MBTPS1: variants seen among roughly 807,000 people sequenced by gnomAD.
The protein encoded by MBTPS1 is membrane-bound transcription factor site-1 protease.
A neutral mutation model predicts 127.8 loss-of-function variants in MBTPS1; 94 were observed. The observed-to-expected ratio is 0.74, with a 90% CI of 0.62 to 0.87. The LOEUF is 0.87. Among genes scored for constraint, MBTPS1 ranks in the 40% least tolerant of loss-of-function variants. The probability of loss-of-function intolerance (pLI) is 0.00; values close to 1 mark genes in which losing one functional copy is unlikely to be tolerated. For synonymous variants in MBTPS1, 632 were observed against 509.4 expected (o/e 1.24, Z -3.24); for missense variants, 1,636 against 1,353.2 (o/e 1.21, Z -3.28).
Position 84,054,511 on chromosome 16 carries a change from G to C in MBTPS1, c.3097C>G (p.Pro1033Ala). Reference protein sequence around the residue: ...KAKSRPKRRKPRVKRPQLMQQ... With the variant: ...KAKSRPKRRKARVKRPQLMQQ... ...ATGAGCTGCGGGCGCTTCACCCTGG[G>C]CTTCCTCCGCTTCGGCCTGCTCTTG... is the stretch of plus-strand genomic sequence containing the variant. Residue 1033 changes from proline (P) to alanine (A), a missense_variant, in exon 23 of 23, where the codon CCC becomes GCC. By Grantham distance (27) the Pro-to-Ala change is conservative. Coordinates refer to ENST00000343411, the MANE Select transcript of MBTPS1 (RefSeq NM_003791.4). 6.2e-7 allele frequency: 1 copy of C among 1,613,744 alleles called. No homozygotes were observed. Among genetic ancestry groups the C allele is most frequent in the Non-Finnish European group, 8.5e-7 (1 of 1,179,818 alleles).
rs570692686 is a variant in MBTPS1 at position 84,085,063 on chromosome 16, G to A, written c.1206C>T (p.Gly402=). The A allele has an allele frequency of 1.7e-5, 27 of 1,614,066 alleles. No homozygotes were observed. Among genetic ancestry groups the A allele is most frequent in the African/African-American group, 1.5e-4 (11 of 74,994 alleles). Residue 402 remains glycine, a synonymous_variant, in exon 10 of 23, where the codon GGC becomes GGT. Transcript: ENST00000343411. ...VTYGAGVRGS[G]VKGGCRALSG... ...AGAGGGCCCGGCACCCCCCTTTCAC[G>A]CCAGAACCCCGCACGCCAGCACCAT...
intron 3 of MBTPS1, among the ~76,000 whole-genome samples, chr16:84,098,287 AC>A (rs2086205817): frequency 6.6e-6 from 1 of 152,188 alleles, no homozygotes; most frequent in Admixed American, 6.5e-5. Flanking sequence ...ACAAAACGAA[AC>A]CCCAGGAAAA....
intron 1 of MBTPS1, among the ~76,000 whole-genome samples, chr16:84,103,902 A>G (rs1567503874): frequency 6.6e-6 from 1 of 152,216 alleles, no homozygotes; most frequent in Non-Finnish European, 1.5e-5. Context: ...CCACCTCGAC[A>G]AGAACAACAA....
rs140401330 is a variant in MBTPS1 at position 84,093,810 on chromosome 16, T to C, written c.637A>G (p.Arg213Gly). The C allele has an allele frequency of 6.2e-7, 1 of 1,606,234 alleles. No individual in the cohort carries two copies. The highest frequency in any genetic ancestry group is 1.3e-5 in the African/African-American group (1 of 74,756). ...AGCCCAGTGTCAAAAACAGCAACTC[T>C]TACATTAGCACCTTATTCGGAAAAG... Reference protein sequence around the residue: ...WQMGYTGANVRVAVFDTGLSE... With the variant: ...WQMGYTGANVGVAVFDTGLSE... Residue 213 changes from arginine (R) to glycine (G), a missense_variant, in exon 5 of 23, where the codon AGA becomes GGA. Physicochemically the swap from Arg to Gly is moderately radical, Grantham distance 125. Coordinates refer to ENST00000343411, the MANE Select transcript of MBTPS1 (RefSeq NM_003791.4).
intron 11 of MBTPS1, 151 bp downstream of exon 11, chr16:84,081,596 T>A: frequency 2.0e-6 from 1 of 494,284 alleles, no homozygotes; most frequent in Non-Finnish European, 3.3e-6. Context: ...CAGCACCCTG[T>A]AGAAGCAGCA....
intron 1 of MBTPS1, among the ~76,000 whole-genome samples, chr16:84,115,699 T>C (rs1047846708): frequency 2.0e-5 from 3 of 152,230 alleles, no homozygotes; most frequent in African/African-American, 7.2e-5. Flanking sequence ...AAAGACAAAG[T>C]AGATGAAAGG....
intron 22 of MBTPS1, among the ~76,000 whole-genome samples, chr16:84,054,899 C>A (rs983303785): frequency 6.6e-6 from 1 of 152,094 alleles, no homozygotes; most frequent in African/African-American, 2.4e-5. Flanking sequence ...TCCCTGGGAT[C>A]CCCGCAGACG....
chr16:84,079,495 A>G (rs369024898), intron 11 of MBTPS1, among the ~76,000 whole-genome samples: 1 of 152,236 alleles, frequency 6.6e-6, no homozygotes, highest in Non-Finnish European at 1.5e-5. Flanking sequence ...AAAAAACACT[A>G]TAACTGTATT....
rs191121078 is a variant in MBTPS1 at position 84,094,832 on chromosome 16, T to A, written c.625+770A>T. Reference sequence around the variant, plus strand: ...GTCCACCGGGTATTAAAAGTTGAAGTATCTCAGATATTTTGGAGGGCAGGG... The same window carrying A: ...GTCCACCGGGTATTAAAAGTTGAAGAATCTCAGATATTTTGGAGGGCAGGG... On this transcript the variant is annotated intron_variant, in intron 4 of 22. Coordinates refer to ENST00000343411, the MANE Select transcript of MBTPS1 (RefSeq NM_003791.4). Among the ~76,000 whole-genome samples the A allele has an allele frequency of 1.6e-4, 25 of 152,280 alleles. No homozygotes were observed. In the Middle Eastern group the frequency reaches 0.014, roughly 83 times the overall value.
intron 1 of MBTPS1, among the ~76,000 whole-genome samples, chr16:84,116,011 G>C (rs1173151787): frequency 2.0e-5 from 3 of 151,870 alleles, no homozygotes; most frequent in African/African-American, 7.3e-5. Flanking sequence ...CATACAATTG[G>C]AGACCTTGAC....
intron 21 of MBTPS1, 145 bp downstream of exon 21, chr16:84,059,157 G>T (rs1442341573): frequency 9.3e-7 from 1 of 1,069,824 alleles, no homozygotes; most frequent in Non-Finnish European, 1.3e-6. Context: ...CCAATACGAG[G>T]TTCACTAAAT....
At chr16:84,107,982 A>G (rs1271317323) in intron 1 of MBTPS1, among the ~76,000 whole-genome samples, 2 of 149,576 alleles carry the variant, frequency 1.3e-5, no homozygotes, top group Non-Finnish European at 3.0e-5. Context: ...TTGGGATTAT[A>G]GGCATGAGCC....
At chr16:84,099,836 A>C (rs534053940) in intron 2 of MBTPS1, among the ~76,000 whole-genome samples, 86 of 152,304 alleles carry the variant, frequency 5.6e-4, no homozygotes, top group African/African-American at 2.0e-3. Context: ...ATCATTCGAA[A>C]CCAGATACCC....
At chr16:84,084,872 A>C (rs2085997291) in intron 10 of MBTPS1, 111 bp downstream of exon 10, 1 of 1,155,114 alleles carries the variant, frequency 8.7e-7, no homozygotes. Context: ...TGAAGGGCCT[A>C]AGCTCTCAAA....
chr16:84,106,993 C>G (rs1002441504), intron 1 of MBTPS1, among the ~76,000 whole-genome samples: 1 of 152,172 alleles, frequency 6.6e-6, no homozygotes, highest in Non-Finnish European at 1.5e-5. Flanking sequence ...AGCAGGAAAG[C>G]TGACTTGGGA....
chr16:84,111,674 G>A (rs2086399315), intron 1 of MBTPS1, among the ~76,000 whole-genome samples: 1 of 152,226 alleles, frequency 6.6e-6, no homozygotes, highest in South Asian at 2.1e-4. Context: ...AGAGCCTCCA[G>A]ACGGAGACAA....
chr16:84,058,566 C>G (rs1042412600), intron 21 of MBTPS1, among the ~76,000 whole-genome samples: 2 of 152,222 alleles, frequency 1.3e-5, no homozygotes, highest in African/African-American at 4.8e-5. Context: ...GAAGCTCCCC[C>G]TTTCTTCTTA....
intron 7 of MBTPS1, 96 bp from the exon 8 acceptor site, chr16:84,091,038 G>C (rs1567494301): frequency 3.2e-6 from 3 of 949,178 alleles, no homozygotes; most frequent in Middle Eastern, 2.2e-4. Context: ...TCTAAAAACA[G>C]TTCTAAAAAA....
chr16:84,097,511 C>A (rs1238996847), intron 3 of MBTPS1, among the ~76,000 whole-genome samples: 1 of 152,182 alleles, frequency 6.6e-6, no homozygotes. Context: ...CCGGAACACA[C>A]GCAGTGGAGA....
Sources: gnomAD v4.1 joint callset for allele counts (sites outside exome capture counted in the v4.1 genomes callset) on GRCh38, gnomAD v4.1.1 for gene constraint, MANE v1.5 for transcripts, NCBI Gene and HGNC (gene_info 2026-07-23, HGNC 2026-07-21) for gene names.